The following ZFPM2 variants were observed in gnomAD, a reference collection of about 807,000 sequenced individuals.
ZFPM2 encodes zinc finger protein, FOG family member 2.
In ZFPM2, 20 loss-of-function variants were observed where a neutral mutation model predicts 98.6. That is an observed-to-expected ratio of 0.20 (90% CI 0.14 to 0.29). The LOEUF is 0.29. ZFPM2 is among the 10% of genes least tolerant of loss of function. The pLI, the probability that ZFPM2 is intolerant of heterozygous loss-of-function variation, is 1.00. For missense variants in ZFPM2, 1,310 were observed against 1,388.6 expected (o/e 0.94, Z 0.90); for synonymous variants, 518 against 502.7 (o/e 1.03, Z -0.41).
intron 1 of ZFPM2, among the ~76,000 whole-genome samples, chr8:105,330,468 G>A (rs1468789671): frequency 6.7e-6 from 1 of 148,808 alleles, no homozygotes; most frequent in Non-Finnish European, 1.5e-5. Flanking sequence ...CAAGAAAAGT[G>A]CATAAGAAAA....
chr8:105,472,669 AT>A (rs772587939), intron 3 of ZFPM2, among the ~76,000 whole-genome samples: 71 of 146,072 alleles, frequency 4.9e-4, no homozygotes, highest in South Asian at 2.2e-3. Flanking sequence ...CACCCGGCTA[AT>A]TTTTTTTTTT....
intron 3 of ZFPM2, among the ~76,000 whole-genome samples, chr8:105,523,375 C>G (rs1008763823): frequency 6.6e-6 from 1 of 152,156 alleles, no homozygotes; most frequent in Non-Finnish European, 1.5e-5. Flanking sequence ...TACAAAATGA[C>G]GAGCGATTTC....
intron 1 of ZFPM2, among the ~76,000 whole-genome samples, chr8:105,416,165 A>G (rs1771255850): frequency 6.6e-6 from 1 of 151,668 alleles, no homozygotes; most frequent in South Asian, 2.1e-4. Context: ...GTATCTGTAT[A>G]TATATAAAAT....
intron 1 of ZFPM2, among the ~76,000 whole-genome samples, chr8:105,414,606 C>T (rs1009907523): frequency 3.4e-5 from 5 of 148,116 alleles, no homozygotes; most frequent in African/African-American, 1.2e-4. Context: ...GCATCCCCCC[C>T]TTTTTTTTTT....
At chr8:105,747,474 C>T (rs1178382491) in intron 5 of ZFPM2, among the ~76,000 whole-genome samples, 2 of 152,056 alleles carry the variant, frequency 1.3e-5, no homozygotes, top group Non-Finnish European at 2.9e-5. Flanking sequence ...AATGCAGTCT[C>T]GCCATTCAAA....
intron 5 of ZFPM2, among the ~76,000 whole-genome samples, chr8:105,744,760 G>A (rs1296785853): frequency 6.6e-6 from 1 of 152,060 alleles, no homozygotes; most frequent in Non-Finnish European, 1.5e-5. Flanking sequence ...CAAAAGGCCT[G>A]TGGCAAGTAG....
intron 5 of ZFPM2, among the ~76,000 whole-genome samples, chr8:105,656,069 A>G (rs574049733): frequency 3.3e-5 from 5 of 152,300 alleles, no homozygotes; most frequent in African/African-American, 9.6e-5. Flanking sequence ...AATAATTCCT[A>G]TACTCATGAG....
Position 105,801,520 on chromosome 8 carries a change from G to T in ZFPM2, c.1438G>T (p.Ala480Ser), listed in dbSNP as rs1814014325. ...GTCTGAGCCCTCTAGCCCAAGACTT[G>T]CCTCATCTCCAGTTCAGCCTAATAT... Reference protein sequence around the residue: ...IKSEPSSPRLASSPVQPNIGP... With the variant: ...IKSEPSSPRLSSSPVQPNIGP... The change falls in exon 8 of 8, where the codon GCC becomes TCC. Residue 480 changes from alanine (A) to serine (S), a missense_variant. Ala to Ser is a moderately conservative substitution (Grantham distance 99, BLOSUM62 1). Transcript: ENST00000407775. The T allele has an allele frequency of 3.7e-6, 6 of 1,613,878 alleles. No homozygotes were observed. The highest frequency in any genetic ancestry group is 1.3e-5 in the African/African-American group (1 of 75,034).
intron 3 of ZFPM2, among the ~76,000 whole-genome samples, chr8:105,463,527 A>T (rs1166626995): frequency 6.6e-6 from 1 of 152,040 alleles, no homozygotes; most frequent in Admixed American, 6.6e-5. Flanking sequence ...AAAACTTGCA[A>T]TTGAAGAAGA....
intron 5 of ZFPM2, among the ~76,000 whole-genome samples, chr8:105,639,786 T>G (rs963024428): frequency 1.3e-5 from 2 of 152,020 alleles, no homozygotes; most frequent in Non-Finnish European, 2.9e-5. Context: ...TGATATCGTA[T>G]TTATAGCGAA....
intron 5 of ZFPM2, among the ~76,000 whole-genome samples, chr8:105,756,485 C>T (rs912402269): frequency 4.6e-5 from 7 of 152,112 alleles, no homozygotes; most frequent in South Asian, 4.1e-4. Flanking sequence ...TTTCAAGCAT[C>T]CTGACAAATG....
intron 3 of ZFPM2, among the ~76,000 whole-genome samples, 199 bp downstream of exon 3, chr8:105,444,580 C>G (rs1203475154): frequency 6.6e-6 from 1 of 152,102 alleles, no homozygotes; most frequent in Non-Finnish European, 1.5e-5. Context: ...AGTGCTACCT[C>G]TGCTTGAAGT....
chr8:105,688,136 T>A (rs1359705652), intron 5 of ZFPM2, among the ~76,000 whole-genome samples: 2 of 152,012 alleles, frequency 1.3e-5, no homozygotes, highest in African/African-American at 4.8e-5. Flanking sequence ...TTAACTAAAA[T>A]AATGAAAATT....
At chr8:105,700,675 A>G (rs1811121143) in intron 5 of ZFPM2, among the ~76,000 whole-genome samples, 1 of 152,130 alleles carries the variant, frequency 6.6e-6, no homozygotes. Flanking sequence ...CACTCACTGC[A>G]GCCTCCACCT....
intron 3 of ZFPM2, among the ~76,000 whole-genome samples, chr8:105,470,170 A>T (rs769752295): frequency 1.3e-5 from 2 of 151,632 alleles, no homozygotes; most frequent in Non-Finnish European, 2.9e-5. Flanking sequence ...TTCCCCCTCT[A>T]CCTCCTCTTT....
intron 4 of ZFPM2, among the ~76,000 whole-genome samples, chr8:105,631,403 G>A (rs1418671346): frequency 6.6e-6 from 1 of 152,094 alleles, no homozygotes; most frequent in Non-Finnish European, 1.5e-5. Context: ...GAGTGCTAAA[G>A]GCTTCATAAG....
intron 2 of ZFPM2, among the ~76,000 whole-genome samples, chr8:105,430,588 G>A (rs1812000213): frequency 6.6e-6 from 1 of 152,226 alleles, no homozygotes; most frequent in Non-Finnish European, 1.5e-5. Context: ...TCTGGAAAAT[G>A]CTGTGGGTAT....
intron 5 of ZFPM2, among the ~76,000 whole-genome samples, chr8:105,751,606 A>T (rs1220027555): frequency 6.6e-6 from 1 of 152,092 alleles, no homozygotes; most frequent in African/African-American, 2.4e-5. Flanking sequence ...TTTACTGCAA[A>T]ATATGTTTTT....
chr8:105,380,608 T>TA (rs1211861245), intron 1 of ZFPM2, among the ~76,000 whole-genome samples: 1 of 68,242 alleles, frequency 1.5e-5, no homozygotes, highest in Non-Finnish European at 2.6e-5. Flanking sequence ...ATATTATATA[T>TA]ATATATATTA....
Sources: gnomAD v4.1 joint callset for allele counts (sites outside exome capture counted in the v4.1 genomes callset) on GRCh38, gnomAD v4.1.1 for gene constraint, MANE v1.5 for transcripts, NCBI Gene and HGNC (gene_info 2026-07-23, HGNC 2026-07-21) for gene names.